ZNF432: variants seen among roughly 807,000 people sequenced by gnomAD.
The protein encoded by ZNF432 is zinc finger protein 432.
ZNF432 carries 10 observed loss-of-function variants against 13.9 expected under a neutral mutation model. The ratio of observed to expected loss-of-function variants is 0.72; its 90% confidence interval spans 0.44 to 1.22. The LOEUF is 1.22. Among genes scored for constraint, ZNF432 ranks in the 50% most tolerant of loss-of-function variants. The pLI is 0.00. For missense variants in ZNF432, 793 were observed against 796.2 expected (o/e 1.00, Z 0.05); for synonymous variants, 247 against 256.2 (o/e 0.96, Z 0.34).
chr19:52,041,368 T>A, intron 3 of ZNF432, 112 bp downstream of exon 3: 1 of 1,372,326 alleles, frequency 7.3e-7, no homozygotes, highest in Admixed American at 2.6e-5. Context: ...CCAGAGGATG[T>A]GCCAAAAATC....
At chr19:52,042,188 GT>G (rs561692145) in intron 2 of ZNF432, among the ~76,000 whole-genome samples, 1 of 152,100 alleles carries the variant, frequency 6.6e-6, no homozygotes, top group Non-Finnish European at 1.5e-5. Flanking sequence ...AGGTATATGT[GT>G]CTATTAACAG....
chr19:52,033,880 T>C lies in ZNF432; in HGVS notation c.1799A>G (p.Asn600Ser). The C allele has an allele frequency of 1.2e-6, 2 of 1,613,946 alleles. No individual in the cohort carries two copies. Among genetic ancestry groups the C allele is most frequent in the Non-Finnish European group, 1.7e-6 (2 of 1,179,976 alleles). ...CATAGTGAAGCCTTTACCACATTCA[T>C]TACATCCATAAGGTTTTTCTCCAGT... ...VHTGEKPYGC[N>S]ECGKGFTMKS... Residue 600 changes from asparagine (N) to serine (S), a missense_variant, in exon 5 of 5, where the codon AAT becomes AGT. Coordinates refer to ENST00000221315, the MANE Select transcript of ZNF432 (RefSeq NM_014650.4).
rs2087048553 is a variant in ZNF432 at position 52,034,330 on chromosome 19, G to A, written c.1349C>T (p.Thr450Ile). 2 of 1,613,706 alleles carry A rather than the reference G, an allele frequency of 1.2e-6. No individual in the cohort carries two copies. Among genetic ancestry groups the A allele is most frequent in the East Asian group, 2.2e-5 (1 of 44,852 alleles). Residue 450 changes from threonine (T) to isoleucine (I), a missense_variant, in exon 5 of 5, where the codon ACT becomes ATT. By Grantham distance (89) the Thr-to-Ile change is moderately conservative. Coordinates refer to ENST00000221315, the MANE Select transcript of ZNF432 (RefSeq NM_014650.4). ...VKSMLIIHQR[T>I]HTGEKPYTCS... is the part of the protein sequence containing the mutation. ...TGTGTAGGGCTTCTCTCCTGTATGA[G>A]TTCGCTGATGTATGATGAGCATGCT...
rs1410656128 is a variant in ZNF432, at chr19:52,034,479, G to C, written c.1200C>G (p.Pro400=). The C allele has an allele frequency of 6.2e-7, 1 of 1,613,790 alleles. No individual in the cohort carries two copies. Among genetic ancestry groups the C allele is most frequent in the South Asian group, 1.1e-5 (1 of 91,056 alleles). Reference sequence around the variant, plus strand: ...CTTTTCCACATTCACTGCATATGTAGGGTTTCTCTCCTGTATGAGTTCGTT... The same window carrying C: ...CTTTTCCACATTCACTGCATATGTACGGTTTCTCTCCTGTATGAGTTCGTT... ...EHQRTHTGEK[P]YICSECGKGF... The change falls in exon 5 of 5, where the codon CCC becomes CCG. Residue 400 remains proline, a synonymous_variant. Transcript: ENST00000221315.
At chr19:52,045,695 G>T (rs2087174776) in intron 2 of ZNF432, among the ~76,000 whole-genome samples, 2 of 148,568 alleles carry the variant, frequency 1.3e-5, no homozygotes, top group African/African-American at 2.4e-5. Context: ...TTCATCATCA[G>T]AATTTATTTC....
intron 4 of ZNF432, among the ~76,000 whole-genome samples, chr19:52,038,208 C>G (rs763515015): frequency 2.0e-5 from 3 of 152,264 alleles, no homozygotes; most frequent in Non-Finnish European, 4.4e-5. Flanking sequence ...CAAGCAGCTT[C>G]TATCACTGAC....
At position 52,034,969 on chromosome 19, in the gene ZNF432, A is replaced by T. The variant is rs375403348; in HGVS notation, c.710T>A (p.Leu237Ter). The T allele has an allele frequency of 6.2e-7, 1 of 1,612,994 alleles. No homozygotes were observed. Among genetic ancestry groups the T allele is most frequent in the Non-Finnish European group, 8.5e-7 (1 of 1,179,708 alleles). Residue 237 changes from leucine (L) to a stop codon, truncating the protein, a stop_gained, in exon 5 of 5, where the codon TTG becomes TAG. Transcript: ENST00000221315. LOFTEE classifies it low-confidence loss of function (END_TRUNC). ...CTTTCTGGAGAACACTTTTGCACAC[A>T]AAGTACATCCATAAGGTTTTTCTCC... ...HTGEKPYGCT[L>*]CAKVFSRKSR...
rs2087124096 is a variant in ZNF432 at position 52,040,514 on chromosome 19, T to G, written c.212A>C (p.Asp71Ala). The change falls in exon 4 of 5, where the codon GAT becomes GCT. Residue 71 changes from aspartate (D) to alanine (A), a missense_variant. Asp to Ala is a moderately radical substitution (Grantham distance 126). Coordinates refer to ENST00000221315, the MANE Select transcript of ZNF432 (RefSeq NM_014650.4). Reference protein sequence around the residue: ...ERGEEPWTMEDERHSRICPEN... With the variant: ...ERGEEPWTMEAERHSRICPEN... ...TGGACAGATTCGACTGTGCCTTTCA[T>G]CTTCCATTGTCCATGGTTCTTCTCC... 1 of 1,614,056 alleles carries G rather than the reference T, an allele frequency of 6.2e-7. No individual in the cohort carries two copies. The highest frequency in any genetic ancestry group is 1.3e-5 in the African/African-American group (1 of 74,936).
intron 4 of ZNF432, among the ~76,000 whole-genome samples, chr19:52,036,788 A>G (rs2087085616): frequency 6.6e-6 from 1 of 152,014 alleles, no homozygotes; most frequent in South Asian, 2.1e-4. Flanking sequence ...CTCCCACCTC[A>G]GCCTCCTGAG....
intron 4 of ZNF432, among the ~76,000 whole-genome samples, chr19:52,038,486 C>G (rs954121795): frequency 6.6e-6 from 1 of 152,186 alleles, no homozygotes; most frequent in African/African-American, 2.4e-5. Flanking sequence ...GAAGGGGATT[C>G]TCCATGTTGG....
chr19:52,048,084 A>T (rs1046035268), intron 1 of ZNF432, among the ~76,000 whole-genome samples: 1 of 146,388 alleles, frequency 6.8e-6, no homozygotes. Flanking sequence ...ACTTTTAGGA[A>T]ATGTTAACGT....
At position 52,033,819 on chromosome 19, in the gene ZNF432, T is replaced by C; in HGVS notation, c.1860A>G (p.Thr620=). 2.5e-6 allele frequency: 4 copies of C among 1,613,928 alleles called. No individual in the cohort carries two copies. The highest frequency in any genetic ancestry group is 2.5e-6 in the Non-Finnish European group (3 of 1,179,994). ...SRLIVHQRTH[T]GEKPFVCSEC... ...CACTGCATACAAAGGGTTTCTCTCC[T>C]GTATGAGTTCGTTGATGAACAATTA... Residue 620 remains threonine, a synonymous_variant, in exon 5 of 5, where the codon ACA becomes ACG. Transcript: ENST00000221315.
At chr19:52,043,273 G>A (rs534382247) in intron 2 of ZNF432, among the ~76,000 whole-genome samples, 15 of 152,116 alleles carry the variant, frequency 9.9e-5, no homozygotes, top group East Asian at 1.9e-4. Flanking sequence ...CCCCAACCCC[G>A]TGCTCTCGGA....
intron 4 of ZNF432, among the ~76,000 whole-genome samples, chr19:52,039,092 T>A (rs2087110257): frequency 6.6e-6 from 1 of 152,230 alleles, no homozygotes. Context: ...CTTCCCTAGT[T>A]GTCAATACTC....
At chr19:52,037,498 T>C (rs2087093568) in intron 4 of ZNF432, among the ~76,000 whole-genome samples, 1 of 152,038 alleles carries the variant, frequency 6.6e-6, no homozygotes, top group South Asian at 2.1e-4. Context: ...CTGCATGCAG[T>C]AGAAAAGTCG....
intron 2 of ZNF432, among the ~76,000 whole-genome samples, chr19:52,046,486 C>T (rs11669540): frequency 6.6e-6 from 1 of 152,084 alleles, no homozygotes; most frequent in African/African-American, 2.4e-5. Context: ...CACCATATCA[C>T]CTCTGGGAAG....
At chr19:52,048,128 A>AACACACACACACACACAC (rs3138637) in intron 1 of ZNF432, among the ~76,000 whole-genome samples, 1,898 of 103,370 alleles carry the variant, frequency 0.018, 89 homozygotes, top group Middle Eastern at 0.03. Context: ...GTTTGAGCTC[A>AACACACACACACACACAC]ACACACACAC....
chr19:52,039,843 A>AG (rs200925587), intron 4 of ZNF432, among the ~76,000 whole-genome samples: 2,830 of 150,720 alleles, frequency 0.019, 99 homozygotes, highest in African/African-American at 0.066. Flanking sequence ...AAAAAAAAAA[A>AG]AAAGAAAAGA....
intron 4 of ZNF432, 86 bp downstream of exon 4, chr19:52,040,402 G>C (rs945293229): frequency 9.7e-6 from 11 of 1,131,516 alleles, no homozygotes; most frequent in Non-Finnish European, 1.5e-5. Context: ...CCTAATGTAG[G>C]CACTGCTTCT....
Sources: gnomAD v4.1 joint callset for allele counts (sites outside exome capture counted in the v4.1 genomes callset) on GRCh38, gnomAD v4.1.1 for gene constraint, MANE v1.5 for transcripts, NCBI Gene and HGNC (gene_info 2026-07-23, HGNC 2026-07-21) for gene names.